Variants in MYO7A observed in about 807,000 individuals in gnomAD.
MYO7A encodes myosin VIIA.
A neutral mutation model predicts 263.8 loss-of-function variants in MYO7A; 210 were observed. That is an observed-to-expected ratio of 0.80 (90% CI 0.71 to 0.89). The LOEUF is 0.89. MYO7A is among the 40% of genes least tolerant of loss of function. The pLI, the probability that MYO7A is intolerant of heterozygous loss-of-function variation, is 0.00. For missense variants in MYO7A, 2,820 were observed against 2,968.3 expected (o/e 0.95, Z 1.16); for synonymous variants, 1,239 against 1,197.3 (o/e 1.03, Z -0.72).
Position 77,157,398 on chromosome 11 carries a change from G to T in MYO7A, c.849+6G>T, listed in dbSNP as rs1555064306. The T allele has an allele frequency of 6.3e-7, 1 of 1,590,128 alleles. No individual in the cohort carries two copies. The highest frequency in any genetic ancestry group is 8.6e-7 in the Non-Finnish European group (1 of 1,166,160). Reference sequence around the variant, plus strand: ...ACTACAACTACTTGGCCATGGTGAGGCCCAGGTGGGCCCCTGGGTAGGGGG... The same window carrying T: ...ACTACAACTACTTGGCCATGGTGAGTCCCAGGTGGGCCCCTGGGTAGGGGG... On this transcript the variant is annotated splice_donor_region_variant and intron_variant, in intron 8 of 48. Transcript: ENST00000409709.
At chr11:77,130,696 A>T (rs782552620) in intron 2 of MYO7A, 44 bp downstream of exon 2, 2 of 1,605,516 alleles carry the variant, frequency 1.2e-6, no homozygotes, top group Non-Finnish European at 8.5e-7. Context: ...TCCCCAGGCC[A>T]TATCCCCTCA....
At chr11:77,206,307 GCCGCCTCGTCCTCCTGCC>G (rs1957444196) in intron 41 of MYO7A, 105 bp downstream of exon 41, 20 of 826,692 alleles carry the variant, frequency 2.4e-5, no homozygotes, top group Non-Finnish European at 3.6e-5. Context: ...CCTGACATTT[GCCGCCTCGTCCTCCTGCC>G]CCGTAGTGGA....
At chr11:77,153,486 G>A (rs1952164442) in intron 4 of MYO7A, among the ~76,000 whole-genome samples, 1 of 152,122 alleles carries the variant, frequency 6.6e-6, no homozygotes, top group Admixed American at 6.5e-5. Context: ...GGTGCCATGG[G>A]TGGGAGAAAG....
chr11:77,198,764 A>AC, intron 34 of MYO7A, 143 bp downstream of exon 34: 1 of 1,295,724 alleles, frequency 7.7e-7, no homozygotes, highest in South Asian at 1.4e-5. Flanking sequence ...CACTGTGCAG[A>AC]CCCCTCTGGC....
At chr11:77,189,309 G>A (rs782257363) in intron 27 of MYO7A, 35 bp from the exon 28 acceptor site, 2 of 1,610,794 alleles carry the variant, frequency 1.2e-6, no homozygotes, top group Non-Finnish European at 1.7e-6. Flanking sequence ...TTCCTGTGGG[G>A]TGATTCCCCC....
chr11:77,208,587 G>A, intron 43 of MYO7A, 70 bp downstream of exon 43: 1 of 1,533,496 alleles, frequency 6.5e-7, no homozygotes, highest in Non-Finnish European at 8.9e-7. Context: ...GCTGTGCCGT[G>A]AGGCCCACCT....
intron 34 of MYO7A, 54 bp downstream of exon 34, chr11:77,198,675 G>A: frequency 6.2e-7 from 1 of 1,607,874 alleles, no homozygotes; most frequent in Non-Finnish European, 8.5e-7. Flanking sequence ...AGAGGGGCTG[G>A]AGCTTCCCTG....
chr11:77,152,968 G>T (rs577567275), intron 4 of MYO7A, among the ~76,000 whole-genome samples: 1 of 152,188 alleles, frequency 6.6e-6, no homozygotes, highest in South Asian at 2.1e-4. Flanking sequence ...TTGGTTGTGA[G>T]TTGAGGTTGA....
At chr11:77,156,630 G>A in intron 5 of MYO7A, 30 bp from the exon 6 acceptor site, 1 of 1,611,014 alleles carries the variant, frequency 6.2e-7, no homozygotes, top group South Asian at 1.1e-5. Context: ...TGTGGGTTGT[G>A]ACAGGTCCTG....
At chr11:77,158,218 G>T in intron 8 of MYO7A, 59 bp from the exon 9 acceptor site, 1 of 1,490,804 alleles carries the variant, frequency 6.7e-7, no homozygotes, top group Non-Finnish European at 9.0e-7. Flanking sequence ...GCCAGGCACT[G>T]CCCCTCTGGG....
At position 77,192,919 on chromosome 11, in the gene MYO7A, A is replaced by G. The variant is rs1159600489; in HGVS notation, c.4152+641A>G. Among the ~76,000 whole-genome samples the G allele has an allele frequency of 3.8e-3, 17 of 4,498 alleles. 1 individual carries two copies. The South Asian group carries it at 0.042, about 11-fold the overall frequency. The allele number at this position is 4,498 out of a possible 152,430, so 3.0% of individuals were successfully genotyped here. On this transcript the variant is annotated intron_variant, in intron 31 of 48. Coordinates refer to ENST00000409709, the MANE Select transcript of MYO7A (RefSeq NM_000260.4). ...GATGGTGTTGGTGATGGTGGAGGGT[A>G]GTGATGGTGTTGTTTGTGATGGTGG...
At chr11:77,143,264 G>C (rs1341905533) in intron 3 of MYO7A, among the ~76,000 whole-genome samples, 1 of 152,166 alleles carries the variant, frequency 6.6e-6, no homozygotes, top group Admixed American at 6.5e-5. Context: ...ATCTCACAGG[G>C]CTGTTGACCC....
Position 77,181,498 on chromosome 11 carries a change from A to G in MYO7A, c.2813A>G (p.Asn938Ser), listed in dbSNP as rs1241168357. 9 of 1,613,380 alleles carry G rather than the reference A, an allele frequency of 5.6e-6. No individual in the cohort carries two copies. The highest frequency in any genetic ancestry group is 1.7e-5 in the Admixed American group (1 of 60,000). ...QMERARHEPV[N>S]HSDMVDKMFG... The stretch of plus-strand genomic sequence containing the variant: ...GAAAGGGCCCGCCATGAGCCTGTCA[A>G]TCACTCAGACATGGTGGACAAGATG... The change falls in exon 23 of 49, where the codon AAT (asparagine) becomes AGT (serine). Residue 938 changes from asparagine to serine, a missense_variant. Physicochemically the swap from Asn to Ser is conservative, Grantham distance 46. Coordinates refer to ENST00000409709, the MANE Select transcript of MYO7A (RefSeq NM_000260.4).
intron 10 of MYO7A, 100 bp from the exon 11 acceptor site, chr11:77,160,063 T>C: frequency 6.8e-7 from 1 of 1,467,522 alleles, no homozygotes. Context: ...GTGGAGGCAG[T>C]GGTCTGGGCC....
chr11:77,128,807 C>T (rs1555045276), intron 1 of MYO7A, among the ~76,000 whole-genome samples: 1 of 152,088 alleles, frequency 6.6e-6, no homozygotes, highest in East Asian at 1.9e-4. Flanking sequence ...GAGAAGAGTC[C>T]GTTCTCTCTG....
At chr11:77,141,327 G>A (rs1318244970) in intron 2 of MYO7A, among the ~76,000 whole-genome samples, 1 of 152,202 alleles carries the variant, frequency 6.6e-6, no homozygotes, top group Non-Finnish European at 1.5e-5. Flanking sequence ...GGCTCAGAGA[G>A]GTCAGCGACT....
intron 10 of MYO7A, 84 bp from the exon 11 acceptor site, chr11:77,160,079 A>C (rs1555067323): frequency 6.7e-7 from 1 of 1,502,036 alleles, no homozygotes; most frequent in Admixed American, 2.0e-5. Context: ...GGGCCAGGCC[A>C]GTGCCGGAAA....
chr11:77,156,182 G>C, intron 5 of MYO7A, 91 bp downstream of exon 5: 1 of 1,419,102 alleles, frequency 7.0e-7, no homozygotes, highest in South Asian at 1.3e-5. Context: ...AATTGCCCCC[G>C]CTGTCGGAAA....
At chr11:77,181,260 G>A (rs782096440) in intron 22 of MYO7A, 120 bp from the exon 23 acceptor site, 57 of 842,978 alleles carry the variant, frequency 6.8e-5, no homozygotes, top group Non-Finnish European at 9.5e-5. Flanking sequence ...TCTTCCCAGC[G>A]GTCAGGAGGT....
Sources: gnomAD v4.1 joint callset for allele counts (sites outside exome capture counted in the v4.1 genomes callset) on GRCh38, gnomAD v4.1.1 for gene constraint, MANE v1.5 for transcripts, NCBI Gene and HGNC (gene_info 2026-07-23, HGNC 2026-07-21) for gene names.